ETNPPL: variants seen among roughly 807,000 people sequenced by gnomAD.
ETNPPL encodes alanine--glyoxylate aminotransferase 2-like 1.
In ETNPPL, 30 loss-of-function variants were observed where a neutral mutation model predicts 55.5. The ratio of observed to expected loss-of-function variants is 0.54; its 90% confidence interval spans 0.40 to 0.73. ETNPPL has a LOEUF of 0.73. ETNPPL is among the 30% of genes least tolerant of loss of function. The pLI, the probability that ETNPPL is intolerant of heterozygous loss-of-function variation, is 0.00. For synonymous variants in ETNPPL, 202 were observed against 207.2 expected (o/e 0.98, Z 0.21); for missense variants, 528 against 607.9 (o/e 0.87, Z 1.38).
intron 1 of ETNPPL, among the ~76,000 whole-genome samples, chr4:108,761,175 C>T (rs143253072): frequency 0.015 from 2,319 of 152,162 alleles, 38 homozygotes; most frequent in Middle Eastern, 0.061. Context: ...GGCTTCTAAT[C>T]TTGGCTTTAT....
intron 6 of ETNPPL, among the ~76,000 whole-genome samples, chr4:108,752,632 G>C (rs1446112154): frequency 6.6e-6 from 1 of 152,112 alleles, no homozygotes; most frequent in African/African-American, 2.4e-5. Context: ...ACTAGACCCT[G>C]CATACCACTG....
At chr4:108,759,656 C>T (rs922180764) in intron 3 of ETNPPL, 93 bp downstream of exon 3, 1 of 1,327,072 alleles carries the variant, frequency 7.5e-7, no homozygotes, top group African/African-American at 1.4e-5. Flanking sequence ...CCCTTTTGGA[C>T]AAGCTCCACC....
intron 4 of ETNPPL, 116 bp from the exon 5 acceptor site, chr4:108,754,826 A>C: frequency 1.2e-4 from 82 of 677,638 alleles, no homozygotes; most frequent in East Asian, 3.8e-4. Context: ...GGAGAATCTC[A>C]ACACTGGTGC....
At chr4:108,762,819 A>G (rs1729581317) in intron 1 of ETNPPL, 24 bp downstream of exon 1, 1 of 1,613,448 alleles carries the variant, frequency 6.2e-7, no homozygotes, top group Non-Finnish European at 8.5e-7. Flanking sequence ...CTCTGCACTT[A>G]CTTCCGGGCC....
chr4:108,748,222 C>T lies in ETNPPL; in HGVS notation c.928-63G>A, dbSNP rs1728719218. The T allele has an allele frequency of 7.4e-6, 10 of 1,342,662 alleles. No individual in the cohort carries two copies. In the Admixed American group the frequency reaches 2.4e-4, roughly 32 times the overall value. 83.2% of individuals were successfully genotyped at this position (1,342,662 alleles called of 1,614,324 possible). A position where few individuals can be genotyped will look rare whatever the true frequency, so the allele number is the denominator to read the frequency against. ...GTTGAATGAGTGGTATTCCCTCATC[C>T]ATGAGAAATTTGGCTCATACATACA... On this transcript the variant is annotated intron_variant, in intron 8 of 12. Coordinates refer to ENST00000296486, the MANE Select transcript of ETNPPL (RefSeq NM_031279.4).
At position 108,759,746 on chromosome 4, in the gene ETNPPL, T is replaced by C. The variant is rs376968298; in HGVS notation, c.335+3A>G. 174 of 1,613,794 alleles carry C rather than the reference T, an allele frequency of 1.1e-4. No individual in the cohort carries two copies. Among genetic ancestry groups the C allele is most frequent in the Non-Finnish European group, 1.4e-4 (170 of 1,179,886 alleles). ...GGGAGGGGTGGGAAACCATGAAGCA[T>C]ACCCTGAATTTGTAAAATAACAAAC... is the stretch of plus-strand genomic sequence containing the variant. On this transcript the variant is annotated splice_donor_region_variant and intron_variant, in intron 3 of 12. Coordinates refer to ENST00000296486, the MANE Select transcript of ETNPPL (RefSeq NM_031279.4).
intron 3 of ETNPPL, among the ~76,000 whole-genome samples, chr4:108,757,232 T>C (rs1383197777): frequency 6.6e-6 from 1 of 152,136 alleles, no homozygotes; most frequent in African/African-American, 2.4e-5. Context: ...CCTATATATT[T>C]CAGACAATCT....
At chr4:108,744,881 G>T (rs1035091504) in intron 11 of ETNPPL, among the ~76,000 whole-genome samples, 2 of 151,766 alleles carry the variant, frequency 1.3e-5, no homozygotes, top group African/African-American at 4.8e-5. Flanking sequence ...CACCATGTCC[G>T]GCTAATTTTT....
intron 6 of ETNPPL, among the ~76,000 whole-genome samples, chr4:108,752,418 C>T (rs916102367): frequency 6.6e-6 from 1 of 152,138 alleles, no homozygotes; most frequent in African/African-American, 2.4e-5. Flanking sequence ...TCTTAGAAGT[C>T]CAGGCCCACA....
At chr4:108,760,789 TA>T (rs1182926319) in intron 1 of ETNPPL, among the ~76,000 whole-genome samples, 3 of 152,170 alleles carry the variant, frequency 2.0e-5, no homozygotes, top group African/African-American at 7.2e-5. Flanking sequence ...ACAGAGAAAT[TA>T]AGTAACTGGT....
In ETNPPL at chr4:108,745,933, A is replaced by C. The variant is rs1728467509; in HGVS notation, c.1303+466T>G. ...ATGACAGAGTGAGACTCCATCTCAA[A>C]AAAAAAAAAAAAAAAAACCACGCAA... On this transcript the variant is annotated intron_variant, in intron 11 of 12. Transcript: ENST00000296486. Among the ~76,000 whole-genome samples, 7 of 151,292 alleles carry C rather than the reference A, an allele frequency of 4.6e-5. No homozygotes were observed. In the South Asian group the frequency reaches 1.5e-3, roughly 32 times the overall value.
In ETNPPL at chr4:108,755,575, G is replaced by T. The variant is rs985892736; in HGVS notation, c.410+843C>A. ...CTCACGCCTGTAATCCTAGCACTTTGGGGGGCTGAGGCGGGTGGATCACTT... is the reference window on the plus strand; with the variant it reads ...CTCACGCCTGTAATCCTAGCACTTTTGGGGGCTGAGGCGGGTGGATCACTT... On this transcript the variant is annotated intron_variant, in intron 4 of 12. Coordinates refer to ENST00000296486, the MANE Select transcript of ETNPPL (RefSeq NM_031279.4). Among the ~76,000 whole-genome samples the T allele has an allele frequency of 5.3e-5, 8 of 152,298 alleles. No individual in the cohort carries two copies. The East Asian group carries it at 1.5e-3, about 29-fold the overall frequency.
At chr4:108,749,523 C>T in intron 7 of ETNPPL, 60 bp from the exon 8 acceptor site, 2 of 1,237,698 alleles carry the variant, frequency 1.6e-6, no homozygotes, top group Non-Finnish European at 2.3e-6. Flanking sequence ...AACCCACCCA[C>T]AAAGATGCAA....
chr4:108,748,010 A>C lies in ETNPPL; in HGVS notation c.1077T>G (p.Asp359Glu). Residue 359 changes from aspartate to glutamate, a missense_variant, in exon 9 of 13, where the codon GAT (aspartate) becomes GAG (glutamate). Transcript: ENST00000296486. ...KQKAKHTLIGDIRGIGLFIGI... is the reference protein window; with the variant it reads ...KQKAKHTLIGEIRGIGLFIGI... ...CAACTTCATAATGAACATACCTAAT[A>C]TCTCCTATCAAAGTGTGTTTAGCCT... 1 of 1,607,788 alleles carries C rather than the reference A, an allele frequency of 6.2e-7. No individual in the cohort carries two copies. Among genetic ancestry groups the C allele is most frequent in the Non-Finnish European group, 8.5e-7 (1 of 1,177,308 alleles).
rs750556778 is a variant in ETNPPL, at chr4:108,756,458, G to A, written c.370C>T (p.Arg124Trp). ...ACATCCTGGTGGCCTCTGAACTGCC[G>A]AGCCAGGCGTAAGGCTAAGTCGTTG... ...EANDLALRLA[R>W]QFRGHQDVIT... The change falls in exon 4 of 13, where the codon CGG becomes TGG. Residue 124 changes from arginine to tryptophan, a missense_variant. Arg to Trp is a moderately radical substitution (Grantham distance 101). Coordinates refer to ENST00000296486, the MANE Select transcript of ETNPPL (RefSeq NM_031279.4). 1.1e-5 allele frequency: 18 copies of A among 1,614,034 alleles called. No homozygotes were observed. The highest frequency in any genetic ancestry group is 3.3e-5 in the Admixed American group (2 of 60,026).
chr4:108,746,549 C>T lies in ETNPPL; in HGVS notation c.1173-20G>A. 1 of 1,609,768 alleles carries T rather than the reference C, an allele frequency of 6.2e-7. No homozygotes were observed. Among genetic ancestry groups the T allele is most frequent in the Non-Finnish European group, 8.5e-7 (1 of 1,178,614 alleles). ...TTCATCCTAATTTGTGTAGGAAATA[C>T]ATGTGAGTGTATGCAAAGGATAACT... is the stretch of plus-strand genomic sequence containing the variant. On this transcript the variant is annotated intron_variant, in intron 10 of 12. Transcript: ENST00000296486.
At chr4:108,743,973 A>G (rs1186303629) in intron 11 of ETNPPL, 117 bp from the exon 12 acceptor site, 4 of 706,760 alleles carry the variant, frequency 5.7e-6, no homozygotes, top group African/African-American at 3.6e-5. Flanking sequence ...TTATGTGTTA[A>G]AAGAATGGGC....
chr4:108,750,262 G>A lies in ETNPPL; in HGVS notation c.701+674C>T, dbSNP rs151055651. 1.7e-3 allele frequency among the ~76,000 whole-genome samples: 253 copies of A among 152,128 alleles called. 1 individual carries two copies. Among genetic ancestry groups the A allele is most frequent in the African/African-American group, 5.8e-3 (242 of 41,488 alleles). On this transcript the variant is annotated intron_variant, in intron 7 of 12. Coordinates refer to ENST00000296486, the MANE Select transcript of ETNPPL (RefSeq NM_031279.4). Reference sequence around the variant, plus strand: ...AAGCAGATCCATGCTTAATCTGGTGGGCACAATCTAATCAGCTGCCAGCGA... The same window carrying A: ...AAGCAGATCCATGCTTAATCTGGTGAGCACAATCTAATCAGCTGCCAGCGA...
Position 108,757,083 on chromosome 4 carries a change from C to T in ETNPPL, c.336-591G>A, listed in dbSNP as rs559458277. ...TTCAGCCACATAGTGACTGAGGACA[C>T]GAAGAAGCCTTCACTAAATCTGATC... On this transcript the variant is annotated intron_variant, in intron 3 of 12. Transcript: ENST00000296486. Among the ~76,000 whole-genome samples, 10 of 152,124 alleles carry T rather than the reference C, an allele frequency of 6.6e-5. No homozygotes were observed. In the East Asian group the frequency reaches 1.5e-3, roughly 24 times the overall value.
Sources: allele counts gnomAD v4.1 joint callset (sites outside exome capture counted in the v4.1 genomes callset), GRCh38; gene constraint gnomAD v4.1.1; transcripts MANE v1.5; gene names NCBI Gene and HGNC (gene_info 2026-07-23, HGNC 2026-07-21).